Variants in MAP4K4 observed in about 807,000 individuals in gnomAD.
MAP4K4 encodes the protein mitogen-activated protein kinase kinase kinase kinase 4, also known as HPK/GCK-like kinase HGK.
Under a neutral mutation model 189.6 loss-of-function variants are expected in MAP4K4, and 38 were observed. The ratio of observed to expected loss-of-function variants is 0.20; its 90% CI spans 0.15 to 0.26. MAP4K4 has a LOEUF of 0.26. MAP4K4 is among the 10% of genes least tolerant of loss of function. MAP4K4 has a pLI of 1.00. For synonymous variants in MAP4K4, 610 were observed against 624.3 expected, an observed-to-expected ratio of 0.98 and a Z score of 0.34; for missense variants, 1,054 against 1,726.9, an observed-to-expected ratio of 0.61 and a Z score of 6.91.
chr2:101,858,922 T>C (rs2097555631), intron 13 of MAP4K4, 74 bp from the exon 14 acceptor site: 1 of 1,050,870 alleles, frequency 9.5e-7, no homozygotes, highest in African/African-American at 1.6e-5. Context: ...CAAATGGTTC[T>C]TGGTGCTCCA....
intron 2 of MAP4K4, among the ~76,000 whole-genome samples, chr2:101,722,985 TG>T (rs1225498089): frequency 1.3e-5 from 2 of 152,178 alleles, no homozygotes; most frequent in East Asian, 3.8e-4. Context: ...TCCACATGGC[TG>T]GGGAGGCCTC....
chr2:101,719,308 A>G (rs1447918555), intron 2 of MAP4K4, among the ~76,000 whole-genome samples: 1 of 152,178 alleles, frequency 6.6e-6, no homozygotes, highest in Non-Finnish European at 1.5e-5. Flanking sequence ...CTCAAATTCC[A>G]TTTCAGTTTG....
At chr2:101,757,799 C>T (rs1052134988) in intron 2 of MAP4K4, among the ~76,000 whole-genome samples, 12 of 152,158 alleles carry the variant, frequency 7.9e-5, no homozygotes, top group Admixed American at 7.2e-4. Context: ...GCGAGTGGAT[C>T]GCTTGGGGCC....
chr2:101,832,487 T>A (rs2096619724), intron 7 of MAP4K4, among the ~76,000 whole-genome samples: 2 of 152,216 alleles, frequency 1.3e-5, no homozygotes, highest in African/African-American at 2.4e-5. Flanking sequence ...TTCCCATGTA[T>A]TTTAGTATTT....
At chr2:101,784,944 G>A (rs2089898845) in intron 2 of MAP4K4, among the ~76,000 whole-genome samples, 1 of 152,118 alleles carries the variant, frequency 6.6e-6, no homozygotes, top group South Asian at 2.1e-4. Context: ...CTTGCATTGT[G>A]TGGGGAGTAA....
chr2:101,829,671 C>A, intron 6 of MAP4K4, 77 bp downstream of exon 6: 3 of 1,011,696 alleles, frequency 3.0e-6, no homozygotes, highest in South Asian at 1.4e-5. Context: ...CTGCTTCCAT[C>A]TAGCTAAAAG....
Position 101,778,266 on chromosome 2 carries a change from AGGGCTGTGAGTGCT to A in MAP4K4, c.124-12439_124-12426del, listed in dbSNP as rs371104896. Among the ~76,000 whole-genome samples, 534 of 152,290 alleles carry A rather than the reference AGGGCTGTGAGTGCT, an allele frequency of 3.5e-3. 1 individual carries two copies. Among genetic ancestry groups the A allele is most frequent in the African/African-American group, 0.012 (516 of 41,572 alleles). On this transcript the variant is annotated intron_variant, in intron 2 of 32. Coordinates refer to ENST00000324219, the Ensembl canonical transcript of MAP4K4. ...CTGAAACCACCTTAGGCAGTTCCGTAGGGCTGTGAGTGCTGGGCTGTGAGTGCTCACCTCTGCGT... is the reference window on the plus strand; with the variant it reads ...CTGAAACCACCTTAGGCAGTTCCGTAGGGCTGTGAGTGCTCACCTCTGCGT...
chr2:101,858,620 G>A (rs1241421368), intron 13 of MAP4K4, among the ~76,000 whole-genome samples: 1 of 152,072 alleles, frequency 6.6e-6, no homozygotes, highest in Non-Finnish European at 1.5e-5. Flanking sequence ...ATAAGCAGAT[G>A]TTTACTAATC....
In MAP4K4 at chr2:101,855,924, A is replaced by C. The variant is rs2097439253; in HGVS notation, c.1234-53A>C. The C allele has an allele frequency of 4.6e-6, 7 of 1,517,592 alleles. No individual in the cohort carries two copies. The South Asian group carries it at 5.0e-5, about 11-fold the overall frequency. 94.0% of individuals were successfully genotyped at this position (1,517,592 alleles called of 1,614,324 possible). On this transcript the variant is annotated intron_variant, in intron 12 of 32. Coordinates refer to ENST00000324219, the Ensembl canonical transcript of MAP4K4. ...TGACTGATCAGCACACTATAACATCATGAGAAAGATGGCGGGAAGATCCCT... is the reference window on the plus strand; with the variant it reads ...TGACTGATCAGCACACTATAACATCCTGAGAAAGATGGCGGGAAGATCCCT...
chr2:101,843,269 A>G (rs2096975305), intron 11 of MAP4K4, among the ~76,000 whole-genome samples: 1 of 152,198 alleles, frequency 6.6e-6, no homozygotes, highest in Non-Finnish European at 1.5e-5. Flanking sequence ...TGGCTGATGA[A>G]GTGAACAAAG....
intron 2 of MAP4K4, among the ~76,000 whole-genome samples, chr2:101,720,044 T>TGG (rs796876586): frequency 1.1e-4 from 17 of 151,702 alleles, no homozygotes; most frequent in African/African-American, 3.9e-4. Flanking sequence ...GAACAGTGGA[T>TGG]GGAAGGTAGA....
At chr2:101,738,968 G>GT (rs1192781184) in intron 2 of MAP4K4, among the ~76,000 whole-genome samples, 6 of 152,028 alleles carry the variant, frequency 3.9e-5, no homozygotes, top group South Asian at 4.1e-4. Context: ...ATATATAATG[G>GT]TGCAGTGAAT....
intron 29 of MAP4K4, 127 bp from the exon 30 acceptor site, chr2:101,886,958 GAGC>G (rs1186270484): frequency 1.6e-6 from 1 of 612,232 alleles, no homozygotes; most frequent in Non-Finnish European, 2.7e-6. Context: ...CTGGGAGGCG[GAGC>G]TTGCAGTGAG....
In MAP4K4 at chr2:101,839,804, T is replaced by C; in HGVS notation, c.774-15T>C. 6.4e-7 allele frequency: 1 copy of C among 1,553,838 alleles called. No individual in the cohort carries two copies. The highest frequency in any genetic ancestry group is 2.3e-5 in the East Asian group (1 of 44,084). On this transcript the variant is annotated splice_polypyrimidine_tract_variant and intron_variant, in intron 9 of 32. Transcript: ENST00000324219. Reference sequence around the variant, plus strand: ...TTTGTGGTGGAAATTTGATGATCTTTTTCACTTCTTACAGGTCGAAGAAGT... The same window carrying C: ...TTTGTGGTGGAAATTTGATGATCTTCTTCACTTCTTACAGGTCGAAGAAGT...
chr2:101,788,716 AG>A (rs777706094), intron 2 of MAP4K4, among the ~76,000 whole-genome samples: 1 of 152,188 alleles, frequency 6.6e-6, no homozygotes, highest in Non-Finnish European at 1.5e-5. Flanking sequence ...TTTTTTATAA[AG>A]CAGATGCTGA....
At chr2:101,890,848 C>T (rs979029468) in intron 32 of MAP4K4, among the ~76,000 whole-genome samples, 1 of 151,828 alleles carries the variant, frequency 6.6e-6, no homozygotes, top group African/African-American at 2.4e-5. Flanking sequence ...GCAGCCTCCA[C>T]CTCCCGGGTT....
chr2:101,836,738 A>G (rs1034256752), intron 9 of MAP4K4, among the ~76,000 whole-genome samples: 1 of 152,228 alleles, frequency 6.6e-6, no homozygotes, highest in Non-Finnish European at 1.5e-5. Context: ...ATAGCATATT[A>G]AACAGAATGG....
chr2:101,836,103 C>T (rs952154153), intron 9 of MAP4K4, 125 bp downstream of exon 9: 18 of 630,232 alleles, frequency 2.9e-5, no homozygotes, highest in Non-Finnish European at 4.3e-5. Context: ...AGCCAGTTCT[C>T]CAAAACACCA....
intron 9 of MAP4K4, among the ~76,000 whole-genome samples, chr2:101,838,439 T>C (rs2096827135): frequency 6.6e-6 from 1 of 152,236 alleles, no homozygotes; most frequent in Non-Finnish European, 1.5e-5. Flanking sequence ...AACCTATTTT[T>C]CCATTCTTTT....
Sources: gnomAD v4.1 joint callset for allele counts (sites outside exome capture counted in the v4.1 genomes callset) on GRCh38, gnomAD v4.1.1 for gene constraint, MANE v1.5 for transcripts, NCBI Gene and HGNC (gene_info 2026-07-23, HGNC 2026-07-21) for gene names.